Variants in CSMD1 observed in about 807,000 individuals in gnomAD.
CSMD1 encodes the protein CUB and Sushi multiple domains 1.
CSMD1 carries 213 observed loss-of-function variants against 417.5 expected under a neutral mutation model. That is an observed-to-expected ratio of 0.51 (90% CI 0.46 to 0.57). The LOEUF is 0.57. Ranked by LOEUF, CSMD1 falls within the 20% of genes least tolerant of loss-of-function variation. The pLI is 0.00. For synonymous variants in CSMD1, 2,862 were observed against 1,736.8 expected (o/e 1.65, Z -16.11); for missense variants, 6,923 against 4,529.7 (o/e 1.53, Z -15.17).
chr8:3,875,835 C>T (rs951786073), intron 5 of CSMD1, among the ~76,000 whole-genome samples: 1 of 152,156 alleles, frequency 6.6e-6, no homozygotes, highest in Non-Finnish European at 1.5e-5. Context: ...ATTTGCAGAT[C>T]AATCAAGGAT....
chr8:3,524,210 CCA>C (rs1279650988), intron 10 of CSMD1, among the ~76,000 whole-genome samples: 1 of 151,396 alleles, frequency 6.6e-6, no homozygotes, highest in Non-Finnish European at 1.5e-5. Context: ...CACATGCAAC[CCA>C]GACAATATGC....
intron 50 of CSMD1, among the ~76,000 whole-genome samples, chr8:3,032,335 C>T (rs948475099): frequency 6.6e-6 from 1 of 151,914 alleles, no homozygotes; most frequent in Non-Finnish European, 1.5e-5. Context: ...CAAGAGGATG[C>T]CAGACCATTT....
At chr8:4,122,204 G>A (rs1199688856) in intron 3 of CSMD1, among the ~76,000 whole-genome samples, 1 of 152,142 alleles carries the variant, frequency 6.6e-6, no homozygotes, top group Non-Finnish European at 1.5e-5. Flanking sequence ...CCGTGTTAAT[G>A]ATAGTCTATT....
At chr8:4,212,502 C>G (rs953801332) in intron 3 of CSMD1, among the ~76,000 whole-genome samples, 3 of 151,850 alleles carry the variant, frequency 2.0e-5, no homozygotes, top group Non-Finnish European at 2.9e-5. Flanking sequence ...GATCCTAAAG[C>G]TTATTTAGAT....
chr8:3,436,815 G>C (rs567813988), intron 12 of CSMD1, among the ~76,000 whole-genome samples: 1 of 152,042 alleles, frequency 6.6e-6, no homozygotes, highest in African/African-American at 2.4e-5. Flanking sequence ...ACTGTCCATG[G>C]CTATAGATTT....
At chr8:3,658,144 G>C (rs998191744) in intron 7 of CSMD1, among the ~76,000 whole-genome samples, 1 of 152,000 alleles carries the variant, frequency 6.6e-6, no homozygotes, top group Non-Finnish European at 1.5e-5. Context: ...AACTTCAGCA[G>C]CTTATCTCTC....
intron 5 of CSMD1, among the ~76,000 whole-genome samples, chr8:3,995,891 A>G (rs1204797251): frequency 6.6e-6 from 1 of 152,168 alleles, no homozygotes; most frequent in South Asian, 2.1e-4. Context: ...TAACTTTCCC[A>G]CCAGCTTCCC....
intron 4 of CSMD1, among the ~76,000 whole-genome samples, chr8:4,007,131 C>T (rs1490707380): frequency 6.6e-6 from 1 of 152,116 alleles, no homozygotes; most frequent in East Asian, 1.9e-4. Context: ...AGCCACCGAG[C>T]CTGGCCACGA....
intron 5 of CSMD1, among the ~76,000 whole-genome samples, chr8:3,856,214 A>T (rs1804299894): frequency 6.6e-6 from 1 of 151,978 alleles, no homozygotes; most frequent in African/African-American, 2.4e-5. Context: ...TAGAGTTCTC[A>T]TAAAAGCTGT....
chr8:4,181,181 T>C (rs902344892), intron 3 of CSMD1, among the ~76,000 whole-genome samples: 5 of 152,158 alleles, frequency 3.3e-5, no homozygotes, highest in South Asian at 2.1e-4. Context: ...TGAGAAAGCA[T>C]TGAATAAATA....
intron 3 of CSMD1, among the ~76,000 whole-genome samples, chr8:4,331,308 C>T (rs1546355): frequency 0.92 from 139,446 of 152,102 alleles, 64,985 homozygotes; most frequent in East Asian, 1. Context: ...TCATGCTGCA[C>T]GGTGGGTGCA....
At chr8:3,676,615 C>T (rs538727954) in intron 7 of CSMD1, among the ~76,000 whole-genome samples, 21 of 152,070 alleles carry the variant, frequency 1.4e-4, no homozygotes, top group Admixed American at 6.5e-4. Context: ...AGAAGGTTGC[C>T]GTGAGCTTGT....
intron 6 of CSMD1, among the ~76,000 whole-genome samples, chr8:3,746,257 G>A (rs1315373830): frequency 6.6e-6 from 1 of 152,172 alleles, no homozygotes; most frequent in Non-Finnish European, 1.5e-5. Context: ...ATAAACTGCG[G>A]GAAAACAATT....
intron 4 of CSMD1, among the ~76,000 whole-genome samples, chr8:4,013,540 T>C (rs193233717): frequency 9.2e-5 from 14 of 152,140 alleles, no homozygotes; most frequent in Non-Finnish European, 1.9e-4. Context: ...AGCTCTTAAT[T>C]ACATGTCAGC....
intron 42 of CSMD1, 105 bp from the exon 43 acceptor site, chr8:3,110,440 G>A: frequency 1.1e-6 from 1 of 885,998 alleles, no homozygotes; most frequent in Non-Finnish European, 1.6e-6. Flanking sequence ...TTTCCTGATG[G>A]GAAATAGGTG....
At chr8:4,907,898 C>A (rs1022117653) in intron 1 of CSMD1, among the ~76,000 whole-genome samples, 7 of 151,974 alleles carry the variant, frequency 4.6e-5, no homozygotes, top group African/African-American at 1.4e-4. Flanking sequence ...GCAGCCATAA[C>A]AAAAAATTGT....
At chr8:3,741,774 A>C (rs1329069944) in intron 6 of CSMD1, among the ~76,000 whole-genome samples, 1 of 152,206 alleles carries the variant, frequency 6.6e-6, no homozygotes, top group Non-Finnish European at 1.5e-5. Context: ...ATTTGTGGGA[A>C]TATGCCCATT....
chr8:4,908,229 G>A (rs1805429945), intron 1 of CSMD1, among the ~76,000 whole-genome samples: 1 of 152,150 alleles, frequency 6.6e-6, no homozygotes, highest in Non-Finnish European at 1.5e-5. Context: ...TTGCTGCAGT[G>A]TTTATACTTG....
intron 52 of CSMD1, among the ~76,000 whole-genome samples, chr8:3,008,280 A>G (rs1808112158): frequency 6.6e-6 from 1 of 152,320 alleles, no homozygotes; most frequent in African/African-American, 2.4e-5. Flanking sequence ...AAGTGGCTGA[A>G]TTCCCTTTGT....
Sources: allele counts gnomAD v4.1 joint callset (sites outside exome capture counted in the v4.1 genomes callset), GRCh38; gene constraint gnomAD v4.1.1; transcripts MANE v1.5; gene names NCBI Gene and HGNC (gene_info 2026-07-23, HGNC 2026-07-21).